ESRRG: variants seen among roughly 807,000 people sequenced by gnomAD.
The protein encoded by ESRRG is estrogen-related receptor gamma.
In ESRRG, 13 loss-of-function variants were observed where a neutral mutation model predicts 44.0. The observed-to-expected ratio is 0.30, with a 90% confidence interval of 0.19 to 0.47. ESRRG has a LOEUF of 0.47. ESRRG is among the 20% of genes least tolerant of loss of function. The probability of loss-of-function intolerance (pLI) is 1.00; values close to 1 mark genes in which losing one functional copy is unlikely to be tolerated. For synonymous variants in ESRRG, 215 were observed against 214.6 expected (o/e 1.00, Z -0.02); for missense variants, 395 against 580.6 (o/e 0.68, Z 3.29).
At chr1:216,932,089 A>G (rs2063436689) in intron 2 of ESRRG, among the ~76,000 whole-genome samples, 1 of 152,072 alleles carries the variant, frequency 6.6e-6, no homozygotes, top group Non-Finnish European at 1.5e-5. Flanking sequence ...CTGTAATCCG[A>G]GTTACTCAGG....
At chr1:217,095,553 G>A (rs2092411384) in intron 1 of ESRRG, among the ~76,000 whole-genome samples, 1 of 152,100 alleles carries the variant, frequency 6.6e-6, no homozygotes, top group Non-Finnish European at 1.5e-5. Flanking sequence ...GGAACTGGAG[G>A]GATATTTGGC....
chr1:217,102,072 C>T (rs2092523375), intron 1 of ESRRG, among the ~76,000 whole-genome samples: 1 of 152,222 alleles, frequency 6.6e-6, no homozygotes, highest in South Asian at 2.1e-4. Flanking sequence ...TCCCAAAGTG[C>T]TGGGACTACA....
At chr1:216,985,676 A>G (rs907999763) in intron 1 of ESRRG, 1 of 152,210 alleles carries the variant, frequency 6.6e-6, no homozygotes, top group Non-Finnish European at 1.5e-5. Flanking sequence ...ATCAACTACC[A>G]TAATCTTATC....
In ESRRG at chr1:216,868,215, G is replaced by C. The variant is rs139291407; in HGVS notation, c.-14+71367C>G. Among the ~76,000 whole-genome samples, 1,456 of 149,522 alleles carry C rather than the reference G, an allele frequency of 9.7e-3. 21 individuals are homozygous for C. The highest frequency in any genetic ancestry group is 0.034 in the African/African-American group (1,389 of 40,788). The stretch of plus-strand genomic sequence containing the variant: ...CCATTCTCCTGTCTCAGCCTCCCAA[G>C]TAGCTTGGATTACAGGCATGCGCCA... On this transcript the variant is annotated intron_variant, in intron 2 of 7. Transcript: ENST00000359162.
intron 1 of ESRRG, among the ~76,000 whole-genome samples, chr1:216,698,518 CAA>C (rs34454248): frequency 2.2e-4 from 16 of 73,870 alleles, no homozygotes; most frequent in Admixed American, 5.2e-4. Flanking sequence ...GACTCAGTCT[CAA>C]AAAAAAAAAA....
chr1:216,690,261 GGTGT>G (rs144609679), intron 1 of ESRRG, among the ~76,000 whole-genome samples: 1 of 150,954 alleles, frequency 6.6e-6, no homozygotes, highest in Non-Finnish European at 1.5e-5. Context: ...ACCTGTGTGT[GGTGT>G]GTGTGTGTGT....
chr1:216,541,590 GTGTGTGTGTGTGTGTGTA>G (rs1193176384), intron 5 of ESRRG, among the ~76,000 whole-genome samples: 27 of 148,530 alleles, frequency 1.8e-4, no homozygotes, highest in African/African-American at 6.9e-4. Context: ...GTGTGTGTGT[GTGTGTGTGTGTGTGTGTA>G]TGTGATCAGC....
chr1:216,730,502 A>C (rs1410907922), intron 2 of ESRRG, among the ~76,000 whole-genome samples: 2 of 152,138 alleles, frequency 1.3e-5, no homozygotes, highest in Non-Finnish European at 2.9e-5. Flanking sequence ...TCCCTACTCT[A>C]AACTCTATCT....
intron 1 of ESRRG, among the ~76,000 whole-genome samples, chr1:217,100,122 A>G (rs1436228502): frequency 6.6e-6 from 1 of 152,210 alleles, no homozygotes; most frequent in Non-Finnish European, 1.5e-5. Context: ...TAATTACTTT[A>G]GTGATCCTGA....
At chr1:217,122,048 G>C (rs2092827302) in intron 1 of ESRRG, among the ~76,000 whole-genome samples, 1 of 152,216 alleles carries the variant, frequency 6.6e-6, no homozygotes, top group Non-Finnish European at 1.5e-5. Flanking sequence ...TTAGAGGAAG[G>C]CAGGGAAGCA....
intron 1 of ESRRG, among the ~76,000 whole-genome samples, chr1:217,085,007 G>T (rs1033988936): frequency 6.6e-6 from 1 of 152,024 alleles, no homozygotes; most frequent in African/African-American, 2.4e-5. Flanking sequence ...TCTGTATATG[G>T]TATACATGTC....
At chr1:216,527,546 G>A (rs2048042953) in intron 5 of ESRRG, among the ~76,000 whole-genome samples, 1 of 151,712 alleles carries the variant, frequency 6.6e-6, no homozygotes, top group East Asian at 1.9e-4. Flanking sequence ...TCTTCCTCTA[G>A]TAATTCCTCC....
chr1:216,583,020 TAA>T (rs979951774), intron 3 of ESRRG, among the ~76,000 whole-genome samples: 9 of 151,070 alleles, frequency 6.0e-5, no homozygotes, highest in African/African-American at 9.7e-5. Context: ...GGAAGGAAAT[TAA>T]AAAGAGTCTT....
At chr1:216,976,893 AAAG>A (rs1330946569) in intron 1 of ESRRG, among the ~76,000 whole-genome samples, 4 of 152,148 alleles carry the variant, frequency 2.6e-5, no homozygotes, top group Non-Finnish European at 5.9e-5. Flanking sequence ...ATTAGAGGGA[AAAG>A]AAGTGAATTT....
chr1:216,708,120 T>C (rs1333938726), intron 1 of ESRRG, among the ~76,000 whole-genome samples: 1 of 152,184 alleles, frequency 6.6e-6, no homozygotes, highest in Non-Finnish European at 1.5e-5. Context: ...TCTTGGTATA[T>C]TCAACGTGTG....
At chr1:216,973,438 C>T (rs1017819607) in intron 1 of ESRRG, among the ~76,000 whole-genome samples, 3 of 149,726 alleles carry the variant, frequency 2.0e-5, no homozygotes. Flanking sequence ...CCCTCCCAGA[C>T]ATCTACACAA....
intron 3 of ESRRG, among the ~76,000 whole-genome samples, chr1:216,601,264 C>T (rs539858041): frequency 1.3e-5 from 2 of 152,016 alleles, no homozygotes; most frequent in Admixed American, 1.3e-4. Context: ...CGCGCCCACC[C>T]CTGGGCCTCC....
intron 2 of ESRRG, among the ~76,000 whole-genome samples, chr1:216,819,329 A>T (rs554339051): frequency 3.9e-5 from 6 of 152,242 alleles, no homozygotes; most frequent in Admixed American, 3.9e-4. Context: ...AAGGAGGAAA[A>T]CCAACAAAAC....
At chr1:217,007,904 G>A (rs2077985589) in intron 1 of ESRRG, among the ~76,000 whole-genome samples, 1 of 152,162 alleles carries the variant, frequency 6.6e-6, no homozygotes, top group Non-Finnish European at 1.5e-5. Context: ...GGAGGAAAGA[G>A]CATTAAGAGA....
Sources: gnomAD v4.1 joint callset for allele counts (sites outside exome capture counted in the v4.1 genomes callset) on GRCh38, gnomAD v4.1.1 for gene constraint, MANE v1.5 for transcripts, NCBI Gene and HGNC (gene_info 2026-07-23, HGNC 2026-07-21) for gene names.